SLC2A2: variants seen among roughly 807,000 people sequenced by gnomAD.
SLC2A2 encodes the protein solute carrier family 2 member 2, also known as solute carrier family 2, facilitated glucose transporter member 2.
In SLC2A2, 36 loss-of-function variants were observed where a neutral mutation model predicts 54.5. That is an observed-to-expected ratio of 0.66 (90% CI 0.51 to 0.87). The LOEUF (loss-of-function observed/expected upper bound fraction) is 0.87. SLC2A2 is among the 40% of genes least tolerant of loss of function. SLC2A2 has a pLI of 0.00. For missense variants in SLC2A2, 543 were observed against 624.3 expected (o/e 0.87, Z 1.39); for synonymous variants, 223 against 219.1 (o/e 1.02, Z -0.16).
chr3:171,009,839 A>C lies in SLC2A2; in HGVS notation c.496+119T>G. On this transcript the variant is annotated intron_variant, in intron 4 of 10. Coordinates refer to ENST00000314251, the MANE Select transcript of SLC2A2 (RefSeq NM_000340.2). Reference sequence around the variant, plus strand: ...TTATGCTATTGCCTTTCCCTCTGTGATGTCACCCTAGACTCAAAAATATCC... The same window carrying C: ...TTATGCTATTGCCTTTCCCTCTGTGCTGTCACCCTAGACTCAAAAATATCC... 3 of 1,391,914 alleles carry C rather than the reference A, an allele frequency of 2.2e-6. No homozygotes were observed. The South Asian group carries it at 3.8e-5, about 18-fold the overall frequency. 86.2% of individuals were successfully genotyped at this position (1,391,914 alleles called of 1,614,324 possible).
At chr3:171,014,294 G>A (rs571351076) in intron 3 of SLC2A2, among the ~76,000 whole-genome samples, 175 bp downstream of exon 3, 4 of 152,230 alleles carry the variant, frequency 2.6e-5, no homozygotes, top group South Asian at 2.1e-4. Context: ...CCAAACTGTC[G>A]CAACAGCTTT....
chr3:171,007,050 A>C (rs921828496), intron 5 of SLC2A2, 98 bp downstream of exon 5: 1 of 761,180 alleles, frequency 1.3e-6, no homozygotes, highest in Non-Finnish European at 2.4e-6. Context: ...GAGATGGATG[A>C]AGTGGAGGAA....
intron 7 of SLC2A2, among the ~76,000 whole-genome samples, chr3:171,004,279 A>G (rs967672809): frequency 6.6e-6 from 1 of 152,060 alleles, no homozygotes; most frequent in Non-Finnish European, 1.5e-5. Flanking sequence ...ATTAAATTTT[A>G]TGCCATTGAA....
chr3:171,012,518 G>A (rs999595178), intron 3 of SLC2A2, among the ~76,000 whole-genome samples: 1 of 152,146 alleles, frequency 6.6e-6, no homozygotes, highest in South Asian at 2.1e-4. Context: ...AAATGCATAG[G>A]TTGGAAAAAT....
chr3:171,018,886 A>G (rs930905981), intron 1 of SLC2A2, among the ~76,000 whole-genome samples: 3 of 151,966 alleles, frequency 2.0e-5, no homozygotes, highest in African/African-American at 7.2e-5. Flanking sequence ...ATTCTTTTCC[A>G]TATATGTGTA....
Position 170,997,669 on chromosome 3 carries a change from G to T in SLC2A2, c.*234C>A, listed in dbSNP as rs79424762. ...ATATTAGAACCACCTGCCCTTTAGT[G>T]TAACAAAATAAACTAGCCTTTTTGG... On this transcript the variant is annotated 3_prime_UTR_variant, in exon 11 of 11. Transcript: ENST00000314251. 15,407 of 519,836 alleles carry T rather than the reference G, an allele frequency of 0.03. 321 individuals are homozygous for T. The highest frequency in any genetic ancestry group is 0.042 in the Non-Finnish European group (12,396 of 294,780). The allele number at this position is 519,836 out of a possible 1,614,324, so 32.2% of individuals were successfully genotyped here. A position where few individuals can be genotyped will look rare whatever the true frequency, so the allele number is the denominator to read the frequency against.
At chr3:171,017,843 T>C (rs1286785208) in intron 2 of SLC2A2, among the ~76,000 whole-genome samples, 1 of 152,194 alleles carries the variant, frequency 6.6e-6, no homozygotes, top group East Asian at 1.9e-4. Flanking sequence ...ACGAAATATA[T>C]GAGAAAAATG....
At chr3:171,008,324 G>A (rs935893305) in intron 4 of SLC2A2, among the ~76,000 whole-genome samples, 2 of 152,056 alleles carry the variant, frequency 1.3e-5, no homozygotes, top group Admixed American at 6.6e-5. Context: ...GACTTTTAAT[G>A]TGTAGCCTGT....
In SLC2A2 at chr3:170,998,217, T is replaced by C. The variant is rs767642495; in HGVS notation, c.1350A>G (p.Val450=). 1 of 1,613,768 alleles carries C rather than the reference T, an allele frequency of 6.2e-7. No individual in the cohort carries two copies. The highest frequency in any genetic ancestry group is 2.2e-5 in the East Asian group (1 of 44,872). Residue 450 remains valine, a synonymous_variant, in exon 10 of 11, where the codon GTA becomes GTG. Transcript: ENST00000314251. ...CCGCAATGTACTGGAAACACAGAGC[T>C]ACAATGAAATTGCAGGTCCAATTGC... ...AFSNWTCNFI[V]ALCFQYIADF...
At chr3:171,002,522 T>C (rs1245968772) in intron 8 of SLC2A2, 54 bp downstream of exon 8, 1 of 1,100,410 alleles carries the variant, frequency 9.1e-7, no homozygotes, top group African/African-American at 1.6e-5. Flanking sequence ...CCACCCCTCC[T>C]GCAATTTCTG....
intron 4 of SLC2A2, among the ~76,000 whole-genome samples, chr3:171,008,094 A>G (rs891636170): frequency 2.6e-5 from 4 of 152,090 alleles, no homozygotes; most frequent in Non-Finnish European, 5.9e-5. Context: ...GGCTGAATTA[A>G]ATGTTTGGCA....
intron 2 of SLC2A2, 135 bp from the exon 3 acceptor site, chr3:171,014,866 A>T (rs2108257315): frequency 1.4e-6 from 1 of 722,258 alleles, no homozygotes; most frequent in Middle Eastern, 3.8e-4. Context: ...ACATGGATAG[A>T]TTTGTTTACA....
chr3:171,020,303 C>T (rs1284414127), intron 1 of SLC2A2, among the ~76,000 whole-genome samples: 1 of 152,160 alleles, frequency 6.6e-6, no homozygotes, highest in African/African-American at 2.4e-5. Context: ...GGTTCTAAAA[C>T]CAGACCCTAC....
chr3:171,010,445 T>C (rs761275712), intron 3 of SLC2A2, among the ~76,000 whole-genome samples: 3 of 152,174 alleles, frequency 2.0e-5, no homozygotes, highest in Admixed American at 6.6e-5. Flanking sequence ...TACATTTTGA[T>C]AGAGATGATT....
At position 170,998,218 on chromosome 3, in the gene SLC2A2, A is replaced by G. The variant is rs776395971; in HGVS notation, c.1349T>C (p.Val450Ala). 2.5e-6 allele frequency: 4 copies of G among 1,613,800 alleles called. No individual in the cohort carries two copies. In the South Asian group the frequency reaches 3.3e-5, roughly 13 times the overall value. Residue 450 changes from valine (V) to alanine (A), a missense_variant, in exon 10 of 11, where the codon GTA becomes GCA. Around this residue, in one of 3 missense-constraint regions of SLC2A2, gnomAD observed 108 missense variants for 101.3 expected, o/e 1.07. Coordinates refer to ENST00000314251, the MANE Select transcript of SLC2A2 (RefSeq NM_000340.2). ...CGCAATGTACTGGAAACACAGAGCTACAATGAAATTGCAGGTCCAATTGCT... is the reference window on the plus strand; with the variant it reads ...CGCAATGTACTGGAAACACAGAGCTGCAATGAAATTGCAGGTCCAATTGCT... The part of the protein sequence containing the change: ...AFSNWTCNFI[V>A]ALCFQYIADF...
chr3:171,003,786 G>A (rs1374264377), intron 7 of SLC2A2, among the ~76,000 whole-genome samples: 1 of 151,954 alleles, frequency 6.6e-6, no homozygotes, highest in Non-Finnish European at 1.5e-5. Context: ...ACTAGGAATA[G>A]AATTGCTGGA....
At chr3:171,025,318 ATAATT>A (rs1343690661) in intron 1 of SLC2A2, among the ~76,000 whole-genome samples, 1 of 144,112 alleles carries the variant, frequency 6.9e-6, no homozygotes, top group Non-Finnish European at 1.5e-5. Context: ...ACATTATAAT[ATAATT>A]TATCTTTTAT....
intron 1 of SLC2A2, among the ~76,000 whole-genome samples, chr3:171,025,406 G>C (rs1008050996): frequency 6.6e-6 from 1 of 151,262 alleles, no homozygotes; most frequent in Non-Finnish European, 1.5e-5. Flanking sequence ...TAAAATTGTT[G>C]TCTAAGCCTC....
chr3:171,008,013 C>T (rs1214562311), intron 4 of SLC2A2, among the ~76,000 whole-genome samples: 3 of 152,148 alleles, frequency 2.0e-5, no homozygotes, highest in South Asian at 4.1e-4. Flanking sequence ...TGTAATCAGT[C>T]GTGCTGGAAA....
Sources: allele counts gnomAD v4.1 joint callset (sites outside exome capture counted in the v4.1 genomes callset), GRCh38; gene constraint gnomAD v4.1.1; regional missense constraint gnomAD v4.1.1; transcripts MANE v1.5; gene names NCBI Gene and HGNC (gene_info 2026-07-23, HGNC 2026-07-21).